RTN1: variants seen among roughly 807,000 people sequenced by gnomAD.
The protein encoded by RTN1 is reticulon 1.
A neutral mutation model predicts 65.5 loss-of-function variants in RTN1; 25 were observed. The observed-to-expected ratio is 0.38, with a 90% CI of 0.28 to 0.53. The LOEUF is 0.53. RTN1 is among the 20% of genes least tolerant of loss of function. The pLI is 0.79. For synonymous variants in RTN1, 471 were observed against 447.6 expected (o/e 1.05, Z -0.66); for missense variants, 983 against 1,025.4 (o/e 0.96, Z 0.57).
At chr14:59,732,930 C>A (rs1325286579) in intron 2 of RTN1, among the ~76,000 whole-genome samples, 2 of 152,136 alleles carry the variant, frequency 1.3e-5, no homozygotes, top group Non-Finnish European at 2.9e-5. Context: ...GCATTGGAGC[C>A]CCCCGGTGGG....
intron 3 of RTN1, among the ~76,000 whole-genome samples, chr14:59,721,838 C>T (rs1478460732): frequency 6.6e-6 from 1 of 152,198 alleles, no homozygotes; most frequent in Non-Finnish European, 1.5e-5. Flanking sequence ...CACCGAGTAC[C>T]TTTAACTTTG....
chr14:59,847,434 A>C (rs1173960215), intron 1 of RTN1, among the ~76,000 whole-genome samples: 3 of 152,236 alleles, frequency 2.0e-5, no homozygotes, highest in Admixed American at 2.0e-4. Context: ...GTTTTATCTG[A>C]GCATGTCCAT....
At chr14:59,610,224 T>G in intron 3 of RTN1, 1 of 715,830 alleles carries the variant, frequency 1.4e-6, no homozygotes, top group South Asian at 1.5e-5. Context: ...TGGACTTTCC[T>G]TGAAGAAACT....
intron 1 of RTN1, among the ~76,000 whole-genome samples, chr14:59,826,153 C>G (rs1317954389): frequency 6.6e-6 from 1 of 152,170 alleles, no homozygotes; most frequent in Non-Finnish European, 1.5e-5. Context: ...ACAAACTATA[C>G]TAAGCACAAA....
In RTN1 at chr14:59,642,973, T is replaced by A. The variant is rs118071540; in HGVS notation, c.1766-35481A>T. Among the ~76,000 whole-genome samples, 90 of 152,366 alleles carry A rather than the reference T, an allele frequency of 5.9e-4. 2 individuals carry two copies. The South Asian group carries it at 6.8e-3, about 12-fold the overall frequency. On this transcript the variant is annotated intron_variant, in intron 3 of 8. Coordinates refer to ENST00000267484, the MANE Select transcript of RTN1 (RefSeq NM_021136.3). ...AAGTAGCAACTGAGGAATTGATAAA[T>A]TCCCATCAGAAATTAAGCTGAGTTA...
intron 3 of RTN1, among the ~76,000 whole-genome samples, chr14:59,628,639 C>T (rs188520615): frequency 1.2e-4 from 19 of 152,224 alleles, no homozygotes; most frequent in Middle Eastern, 3.4e-3. Context: ...AAAAGATTCT[C>T]AATGATCTTC....
intron 1 of RTN1, among the ~76,000 whole-genome samples, chr14:59,822,798 T>A (rs1886965021): frequency 6.6e-6 from 1 of 152,142 alleles, no homozygotes; most frequent in African/African-American, 2.4e-5. Context: ...TTAATTTCGA[T>A]GTAATTGTAT....
intron 1 of RTN1, among the ~76,000 whole-genome samples, chr14:59,777,983 C>A (rs906923574): frequency 6.6e-6 from 1 of 152,090 alleles, no homozygotes. Context: ...TTCCCTGCAT[C>A]CAAAGCACAC....
At chr14:59,818,498 A>T (rs192834245) in intron 1 of RTN1, among the ~76,000 whole-genome samples, 235 of 152,350 alleles carry the variant, frequency 1.5e-3, no homozygotes, top group African/African-American at 5.3e-3. Flanking sequence ...CTTAATATTT[A>T]TTTCAATATT....
At position 59,825,176 on chromosome 14, in the gene RTN1, C is replaced by T. The variant is rs1013123681; in HGVS notation, c.241+45214G>A. Among the ~76,000 whole-genome samples, 6 of 152,228 alleles carry T rather than the reference C, an allele frequency of 3.9e-5. No homozygotes were observed. The highest frequency in any genetic ancestry group is 6.5e-5 in the Admixed American group (1 of 15,292). On this transcript the variant is annotated intron_variant, in intron 1 of 8. Coordinates refer to ENST00000267484, the MANE Select transcript of RTN1 (RefSeq NM_021136.3). This position sits in a 1 kb window ranked among gnomAD's most constrained non-coding sequence, Gnocchi z 4.2. ...CTTTACCAACATCCCTAGCCTCTAC[C>T]GACTAGGTGCCAATAGCACCCGAGT...
At chr14:59,649,296 A>G (rs1253274409) in intron 3 of RTN1, among the ~76,000 whole-genome samples, 2 of 152,268 alleles carry the variant, frequency 1.3e-5, no homozygotes, top group African/African-American at 2.4e-5. Flanking sequence ...ACCTAAAACC[A>G]TAAAAACCCT....
intron 3 of RTN1, among the ~76,000 whole-genome samples, chr14:59,658,721 T>C (rs2140205027): frequency 6.6e-6 from 1 of 152,174 alleles, no homozygotes; most frequent in South Asian, 2.1e-4. Context: ...AAAAACTCCA[T>C]CCGATGGTCA....
Position 59,803,438 on chromosome 14 carries a change from A to AATTAGGGCAACTATCCAGATAATT in RTN1, c.242-56981_242-56958dup, listed in dbSNP as rs1248361533. 8.5e-5 allele frequency among the ~76,000 whole-genome samples: 13 copies of AATTAGGGCAACTATCCAGATAATT among 152,290 alleles called. No individual in the cohort carries two copies. The East Asian group carries it at 2.5e-3, about 29-fold the overall frequency. ...CCAAGTCTCCACAGTCAAAGCAAAG[A>AATTAGGGCAACTATCCAGATAATT]ATTAGGGCAACTATCCAGATAATTC... On this transcript the variant is annotated intron_variant, in intron 1 of 8. Transcript: ENST00000267484. The surrounding 1 kb of genome is among the most constrained non-coding windows in gnomAD (Gnocchi z 5.6).
intron 1 of RTN1, among the ~76,000 whole-genome samples, chr14:59,749,955 T>C (rs1178187265): frequency 9.4e-6 from 1 of 106,832 alleles, no homozygotes; most frequent in East Asian, 2.2e-4. Flanking sequence ...ATTTATATGT[T>C]ATATATATAT....
chr14:59,597,966 G>A (rs1198250768), intron 8 of RTN1, among the ~76,000 whole-genome samples: 3 of 152,096 alleles, frequency 2.0e-5, no homozygotes, highest in African/African-American at 2.4e-5. Context: ...TGTGGGATGC[G>A]GTGAGGAGTT....
At chr14:59,645,316 G>A (rs1328766994) in intron 3 of RTN1, among the ~76,000 whole-genome samples, 3 of 152,094 alleles carry the variant, frequency 2.0e-5, no homozygotes, top group African/African-American at 2.4e-5. Context: ...TTAGAAACTG[G>A]AGCAGACCTC....
rs573706878 is a variant in RTN1 at position 59,853,318 on chromosome 14, A to G, written c.241+17072T>C. On this transcript the variant is annotated intron_variant, in intron 1 of 8. Coordinates refer to ENST00000267484, the MANE Select transcript of RTN1 (RefSeq NM_021136.3). ...AACTCACTACCATATGAGGAAGTCT[A>G]GGCTATTTTCATAGCTCTGATGAAT... Among the ~76,000 whole-genome samples the G allele has an allele frequency of 2.6e-5, 4 of 152,326 alleles. No individual in the cohort carries two copies. The East Asian group carries it at 7.7e-4, about 29-fold the overall frequency.
At chr14:59,627,656 G>A (rs566461091) in intron 3 of RTN1, among the ~76,000 whole-genome samples, 4 of 152,290 alleles carry the variant, frequency 2.6e-5, no homozygotes, top group South Asian at 2.1e-4. Context: ...GTGTGATGTA[G>A]TATATATAAG....
chr14:59,862,279 AG>A (rs748995150), intron 1 of RTN1, among the ~76,000 whole-genome samples: 4 of 152,190 alleles, frequency 2.6e-5, no homozygotes, highest in Non-Finnish European at 5.9e-5. Context: ...GATATCCATT[AG>A]CGTCTGGTTT....
Sources: allele counts gnomAD v4.1 joint callset (sites outside exome capture counted in the v4.1 genomes callset), GRCh38; gene constraint gnomAD v4.1.1; non-coding constraint Gnocchi (gnomAD v3.1); transcripts MANE v1.5; gene names NCBI Gene and HGNC (gene_info 2026-07-23, HGNC 2026-07-21).